Variants in PRKAR2B observed in about 807,000 individuals in gnomAD.
PRKAR2B encodes cAMP-dependent protein kinase type II-beta regulatory subunit.
PRKAR2B carries 14 observed loss-of-function variants against 49.9 expected under a neutral mutation model. The observed-to-expected ratio is 0.28, with a 90% CI of 0.19 to 0.44. The LOEUF (loss-of-function observed/expected upper bound fraction) is 0.44. PRKAR2B is among the 20% of genes least tolerant of loss of function. The pLI is 1.00. For synonymous variants in PRKAR2B, 196 were observed against 197.7 expected, an observed-to-expected ratio of 0.99 and a Z score of 0.07; for missense variants, 393 against 537.9, an observed-to-expected ratio of 0.73 and a Z score of 2.67.
At chr7:107,158,199 A>AGAG (rs1796131610) in intron 10 of PRKAR2B, among the ~76,000 whole-genome samples, 1 of 112,106 alleles carries the variant, frequency 8.9e-6, no homozygotes, top group Non-Finnish European at 2.2e-5. Flanking sequence ...TCTATTAGAA[A>AGAG]TAGTAAAGGT....
At chr7:107,051,059 G>A (rs556503900) in intron 1 of PRKAR2B, among the ~76,000 whole-genome samples, 27 of 152,286 alleles carry the variant, frequency 1.8e-4, no homozygotes, top group African/African-American at 6.3e-4. Flanking sequence ...GATCAATTTT[G>A]TTAATAGATG....
chr7:107,153,557 A>G (rs1374028398), intron 8 of PRKAR2B, among the ~76,000 whole-genome samples: 2 of 152,372 alleles, frequency 1.3e-5, no homozygotes, highest in East Asian at 3.9e-4. Flanking sequence ...ATGAGGACCC[A>G]GAAAGTACAC....
At chr7:107,105,007 G>T (rs772569002) in intron 2 of PRKAR2B, among the ~76,000 whole-genome samples, 10 of 152,156 alleles carry the variant, frequency 6.6e-5, no homozygotes, top group Non-Finnish European at 1.2e-4. Flanking sequence ...GGGATGTTAC[G>T]TGGGTACTGA....
chr7:107,090,628 G>A lies in PRKAR2B; in HGVS notation c.343+20312G>A, dbSNP rs147832374. Among the ~76,000 whole-genome samples the A allele has an allele frequency of 6.2e-3, 942 of 152,292 alleles. 6 individuals carry two copies. The highest frequency in any genetic ancestry group is 0.037 in the Middle Eastern group (11 of 294). On this transcript the variant is annotated intron_variant, in intron 2 of 10. Transcript: ENST00000265717. ...GGCAGTGTCTCTGTTGGCTCGCTGA[G>A]CTTCCTTTCCAGCCTAAGGGGACAT...
At chr7:107,045,382 T>A (rs1007050974) in intron 1 of PRKAR2B, among the ~76,000 whole-genome samples, 168 bp downstream of exon 1, 6 of 152,042 alleles carry the variant, frequency 3.9e-5, no homozygotes, top group African/African-American at 1.4e-4. Flanking sequence ...TTTCTGTCTC[T>A]CCCACTCGCC....
chr7:107,093,366 C>G (rs944589192), intron 2 of PRKAR2B, among the ~76,000 whole-genome samples: 6 of 152,182 alleles, frequency 3.9e-5, no homozygotes, highest in African/African-American at 1.4e-4. Flanking sequence ...TTCTCCAGAT[C>G]TTTACCAATA....
intron 3 of PRKAR2B, among the ~76,000 whole-genome samples, chr7:107,124,093 A>G (rs568930807): frequency 1.3e-5 from 2 of 152,228 alleles, no homozygotes. Flanking sequence ...TACTTCTGAG[A>G]CTCACCAAAT....
Position 107,116,429 on chromosome 7 carries a change from A to G in PRKAR2B, c.344-5523A>G, listed in dbSNP as rs143555665. On this transcript the variant is annotated intron_variant, in intron 2 of 10. Coordinates refer to ENST00000265717, the MANE Select transcript of PRKAR2B (RefSeq NM_002736.3). ...TCATTCTATTTCTGTCTTGATTTCT[A>G]GACTGTTTCTATAAATGTTTTAAAT... Among the ~76,000 whole-genome samples the G allele has an allele frequency of 3.7e-3, 565 of 152,248 alleles. 4 individuals are homozygous for G. Among genetic ancestry groups the G allele is most frequent in the African/African-American group, 0.013 (538 of 41,538 alleles).
chr7:107,068,957 CTG>C (rs1205515774), intron 1 of PRKAR2B: 1 of 151,832 alleles, frequency 6.6e-6, no homozygotes, highest in East Asian at 1.9e-4. Flanking sequence ...TTGTTTGAGA[CTG>C]AGTTTCATTG....
At chr7:107,141,313 ATAT>A (rs1795786443) in intron 5 of PRKAR2B, among the ~76,000 whole-genome samples, 1 of 152,252 alleles carries the variant, frequency 6.6e-6, no homozygotes, top group Non-Finnish European at 1.5e-5. Context: ...AACATCTGAG[ATAT>A]TAATTCACAG....
chr7:107,146,229 C>G (rs1232440165), intron 5 of PRKAR2B, 79 bp from the exon 6 acceptor site: 4 of 1,397,502 alleles, frequency 2.9e-6, no homozygotes, highest in Non-Finnish European at 3.9e-6. Context: ...TTTTATTTCA[C>G]AGGGCTCTTT....
chr7:107,093,567 T>G (rs1794774400), intron 2 of PRKAR2B, among the ~76,000 whole-genome samples: 2 of 151,994 alleles, frequency 1.3e-5, no homozygotes, highest in Non-Finnish European at 2.9e-5. Flanking sequence ...AACGTGCAGA[T>G]TTGTTACATA....
chr7:107,151,317 G>A (rs909552035), intron 7 of PRKAR2B, among the ~76,000 whole-genome samples: 1 of 152,204 alleles, frequency 6.6e-6, no homozygotes, highest in Non-Finnish European at 1.5e-5. Context: ...GTAGACAAGA[G>A]CCACTAGTTG....
At chr7:107,098,460 T>G (rs553765540) in intron 2 of PRKAR2B, among the ~76,000 whole-genome samples, 19 of 152,340 alleles carry the variant, frequency 1.2e-4, no homozygotes, top group African/African-American at 2.6e-4. Flanking sequence ...TCGAACATCC[T>G]CCTTTAGCTT....
At chr7:107,071,931 T>C (rs1189508489) in intron 2 of PRKAR2B, among the ~76,000 whole-genome samples, 1 of 151,726 alleles carries the variant, frequency 6.6e-6, no homozygotes, top group Non-Finnish European at 1.5e-5. Flanking sequence ...GAGCCGGGCG[T>C]GGTGGCGGGC....
chr7:107,054,919 T>A (rs1255123935), intron 1 of PRKAR2B, among the ~76,000 whole-genome samples: 1 of 152,150 alleles, frequency 6.6e-6, no homozygotes, highest in Non-Finnish European at 1.5e-5. Flanking sequence ...CCATTAACTC[T>A]TCATTTAACA....
intron 5 of PRKAR2B, among the ~76,000 whole-genome samples, chr7:107,144,857 C>G (rs556066187): frequency 1.6e-5 from 2 of 126,764 alleles, no homozygotes; most frequent in East Asian, 2.4e-4. Context: ...GTTTAGTCAA[C>G]AGAATAAAGC....
chr7:107,147,467 A>C (rs899174691), intron 6 of PRKAR2B, among the ~76,000 whole-genome samples: 3 of 152,352 alleles, frequency 2.0e-5, no homozygotes, highest in Non-Finnish European at 2.9e-5. Context: ...CAATATTTTC[A>C]CATATGATAG....
At chr7:107,083,327 A>G (rs942118288) in intron 2 of PRKAR2B, among the ~76,000 whole-genome samples, 7 of 151,742 alleles carry the variant, frequency 4.6e-5, no homozygotes, top group African/African-American at 1.7e-4. Context: ...ATTTTTGAAT[A>G]AAGATTATTT....
Sources: allele counts gnomAD v4.1 joint callset (sites outside exome capture counted in the v4.1 genomes callset), GRCh38; gene constraint gnomAD v4.1.1; transcripts MANE v1.5; gene names NCBI Gene and HGNC (gene_info 2026-07-23, HGNC 2026-07-21).